Variants in U2SURP observed in about 807,000 individuals in gnomAD.
U2SURP encodes the protein U2 snRNP-associated SURP motif-containing protein.
A neutral mutation model predicts 144.9 loss-of-function variants in U2SURP; 9 were observed. The observed-to-expected ratio is 0.06, with a 90% confidence interval of 0.04 to 0.11. U2SURP has a LOEUF of 0.11. Ranked by LOEUF, U2SURP falls within the 10% of genes least tolerant of loss-of-function variation. U2SURP has a pLI of 1.00. For missense variants in U2SURP, 724 were observed against 1,226.7 expected (o/e 0.59, Z 6.12); for synonymous variants, 408 against 396.8 (o/e 1.03, Z -0.33).
intron 13 of U2SURP, 57 bp downstream of exon 13, chr3:143,024,075 T>C: frequency 6.7e-7 from 1 of 1,496,082 alleles, no homozygotes; most frequent in South Asian, 1.1e-5. Context: ...CCCTTCTGAA[T>C]TTAAAAAGAA....
rs763535711 is a variant in U2SURP at position 143,034,926 on chromosome 3, A to G, written c.1892A>G (p.Asn631Ser). ...TKLCQIFSDL[N>S]ATYRTIQGHL... ...TTATGTCAGATATTTTCAGACCTCA[A>G]TGCCACCTATCGTACAATTCAAGGC... is the stretch of plus-strand genomic sequence containing the variant. Residue 631 changes from asparagine (N) to serine (S), a missense_variant, in exon 19 of 28, where the codon AAT becomes AGT. Transcript: ENST00000473835. 5.2e-5 allele frequency: 83 copies of G among 1,604,910 alleles called. No homozygotes were observed. Among genetic ancestry groups the G allele is most frequent in the East Asian group, 1.1e-4 (5 of 44,536 alleles).
chr3:143,012,801 C>G (rs1274060282), intron 3 of U2SURP, among the ~76,000 whole-genome samples: 1 of 152,138 alleles, frequency 6.6e-6, no homozygotes, highest in Non-Finnish European at 1.5e-5. Context: ...AATACAGGAA[C>G]ACAGAGAAGG....
At chr3:143,051,647 A>G (rs925560674) in intron 25 of U2SURP, among the ~76,000 whole-genome samples, 2 of 151,284 alleles carry the variant, frequency 1.3e-5, no homozygotes, top group Non-Finnish European at 2.9e-5. Flanking sequence ...ATGAGATTAT[A>G]TAGAAAGTGA....
intron 10 of U2SURP, among the ~76,000 whole-genome samples, chr3:143,021,844 G>A (rs1040331203): frequency 6.6e-6 from 1 of 152,278 alleles, no homozygotes; most frequent in Middle Eastern, 3.4e-3. Flanking sequence ...GTCCACTTCT[G>A]ATGCATACTT....
rs757819453 is a variant in U2SURP, at chr3:143,037,160, A to G, written c.2065-19A>G. ...TCAGCAAGCAAAGGAAAATGTTATA[A>G]TAGTACACATTTCCATAGGATGTTC... On this transcript the variant is annotated intron_variant, in intron 20 of 27. Coordinates refer to ENST00000473835, the MANE Select transcript of U2SURP (RefSeq NM_001080415.2). 3.1e-6 allele frequency: 5 copies of G among 1,605,346 alleles called. No individual in the cohort carries two copies. Among genetic ancestry groups the G allele is most frequent in the Non-Finnish European group, 4.3e-6 (5 of 1,175,532 alleles).
At chr3:143,023,561 A>G (rs1176324641) in intron 12 of U2SURP, among the ~76,000 whole-genome samples, 1 of 152,232 alleles carries the variant, frequency 6.6e-6, no homozygotes, top group East Asian at 1.9e-4. Flanking sequence ...ATTTCAAGTT[A>G]TAAGAATTCG....
chr3:143,025,522 T>A (rs1430692172), intron 13 of U2SURP, among the ~76,000 whole-genome samples: 4 of 152,172 alleles, frequency 2.6e-5, no homozygotes, highest in Admixed American at 2.0e-4. Context: ...AGCTTTAATT[T>A]GGCTCCTATC....
chr3:143,018,177 A>C (rs1199771150), intron 6 of U2SURP, among the ~76,000 whole-genome samples: 1 of 152,024 alleles, frequency 6.6e-6, no homozygotes, highest in Non-Finnish European at 1.5e-5. Flanking sequence ...AGAAATCCCT[A>C]CCCATTATCA....
chr3:143,021,253 T>C, intron 8 of U2SURP, 97 bp from the exon 9 acceptor site: 1 of 1,319,622 alleles, frequency 7.6e-7, no homozygotes. Flanking sequence ...CTCTCAGAAA[T>C]ACCTTACTGT....
At chr3:143,022,815 G>C in intron 11 of U2SURP, 38 bp from the exon 12 acceptor site, 1 of 1,493,338 alleles carries the variant, frequency 6.7e-7, no homozygotes, top group Non-Finnish European at 8.9e-7. Flanking sequence ...GGAAACTTTT[G>C]AGAGTTAACA....
chr3:143,030,344 A>G (rs1318203116), intron 16 of U2SURP, among the ~76,000 whole-genome samples: 1 of 152,258 alleles, frequency 6.6e-6, no homozygotes, highest in African/African-American at 2.4e-5. Context: ...TTTTAGGACC[A>G]TTAAGAATTT....
intron 24 of U2SURP, among the ~76,000 whole-genome samples, chr3:143,046,324 T>A (rs1168679664): frequency 2.7e-5 from 4 of 147,876 alleles, no homozygotes; most frequent in East Asian, 1.9e-4. Context: ...TTTTTTTATT[T>A]TTTATTTTTT....
At chr3:143,028,080 A>C (rs745554273) in intron 14 of U2SURP, among the ~76,000 whole-genome samples, 2 of 152,102 alleles carry the variant, frequency 1.3e-5, no homozygotes, top group African/African-American at 4.8e-5. Flanking sequence ...TCTGCCATGT[A>C]AGTGTTCAGT....
chr3:143,050,259 G>A (rs888427895), intron 24 of U2SURP, among the ~76,000 whole-genome samples: 1 of 152,154 alleles, frequency 6.6e-6, no homozygotes, highest in Non-Finnish European at 1.5e-5. Flanking sequence ...TTTTAGTAGA[G>A]ATGGGGTTTC....
rs1578139517 is a variant in U2SURP, at chr3:143,029,117, C to T, written c.1610+471C>T. On this transcript the variant is annotated intron_variant, in intron 16 of 27. Coordinates refer to ENST00000473835, the MANE Select transcript of U2SURP (RefSeq NM_001080415.2). ...GAAGTATGTGTTGTTATTAGTCTCA[C>T]TTAACAATTGTACAGTGCAGCTAGC... Among the ~76,000 whole-genome samples the T allele has an allele frequency of 2.0e-5, 3 of 152,312 alleles. No homozygotes were observed. The South Asian group carries it at 6.2e-4, about 32-fold the overall frequency.
chr3:143,056,501 C>T lies in U2SURP; in HGVS notation c.*51C>T. The T allele has an allele frequency of 1.3e-6, 2 of 1,580,492 alleles. No homozygotes were observed. The highest frequency in any genetic ancestry group is 1.7e-6 in the Non-Finnish European group (2 of 1,166,482). ...TATTGGAAATGCGATTTGTTTTGTGCCTGAACGGTCTGTTTTTTAAAAAAA... is the reference window on the plus strand; with the variant it reads ...TATTGGAAATGCGATTTGTTTTGTGTCTGAACGGTCTGTTTTTTAAAAAAA... On this transcript the variant is annotated 3_prime_UTR_variant, in exon 28 of 28. Transcript: ENST00000473835.
At chr3:143,022,450 T>TC in intron 10 of U2SURP, 47 bp from the exon 11 acceptor site, 1 of 1,433,342 alleles carries the variant, frequency 7.0e-7, no homozygotes, top group Non-Finnish European at 9.3e-7. Context: ...AATAATTTTT[T>TC]CTTTTCCCTT....
chr3:143,014,097 G>A (rs1173552508), intron 3 of U2SURP, among the ~76,000 whole-genome samples: 4 of 150,434 alleles, frequency 2.7e-5, no homozygotes, highest in African/African-American at 9.8e-5. Flanking sequence ...TTTTGACCTT[G>A]AGCTAGTAAA....
intron 20 of U2SURP, chr3:143,036,737 C>T (rs1361871505): frequency 6.4e-6 from 1 of 155,242 alleles, no homozygotes; most frequent in Admixed American, 6.4e-5. Flanking sequence ...CTTCAGATCT[C>T]AGCTCAAACA....
Sources: gnomAD v4.1 joint callset for allele counts (sites outside exome capture counted in the v4.1 genomes callset) on GRCh38, gnomAD v4.1.1 for gene constraint, MANE v1.5 for transcripts, NCBI Gene and HGNC (gene_info 2026-07-23, HGNC 2026-07-21) for gene names.